The following CD300A variants were observed in gnomAD, a reference collection of about 807,000 sequenced individuals.
The protein encoded by CD300A is CD300a molecule.
CD300A carries 22 observed loss-of-function variants against 33.6 expected under a neutral mutation model. The ratio of observed to expected loss-of-function variants is 0.66; its 90% CI spans 0.47 to 0.94. The LOEUF (loss-of-function observed/expected upper bound fraction) is 0.94. Ranked by LOEUF, CD300A falls within the 40% of genes least tolerant of loss-of-function variation. The probability of loss-of-function intolerance (pLI) is 0.00; values close to 1 mark genes in which losing one functional copy is unlikely to be tolerated. For missense variants in CD300A, 326 were observed against 360.5 expected (o/e 0.90, Z 0.77); for synonymous variants, 136 against 148.1 (o/e 0.92, Z 0.59).
intron 1 of CD300A, among the ~76,000 whole-genome samples, chr17:74,468,857 C>T (rs1287261691): frequency 2.6e-5 from 4 of 152,184 alleles, no homozygotes; most frequent in African/African-American, 9.7e-5. Context: ...GGGGTTTCAC[C>T]ATGTTGCCCA....
In CD300A at chr17:74,481,503, G is replaced by A. The variant is rs934688925; in HGVS notation, c.666+177G>A. 1.0e-5 allele frequency: 7 copies of A among 671,414 alleles called. No individual in the cohort carries two copies. In the African/African-American group the frequency reaches 1.3e-4, roughly 12 times the overall value. 41.6% of individuals were successfully genotyped at this position (671,414 alleles called of 1,614,324 possible). A position where few individuals can be genotyped will look rare whatever the true frequency, so the allele number is the denominator to read the frequency against. On this transcript the variant is annotated intron_variant, in intron 5 of 6. Transcript: ENST00000360141. ...TAGGTCTTGTTCTGAGTCCTGGCCA[G>A]CCTGTCCCCTCCCCACCAAGGCAAA...
intron 1 of CD300A, among the ~76,000 whole-genome samples, chr17:74,467,802 G>A (rs1405158408): frequency 6.6e-6 from 1 of 152,102 alleles, no homozygotes. Flanking sequence ...TCATAGGGTC[G>A]GTGTGCATGG....
At chr17:74,481,886 C>G (rs79524136) in intron 6 of CD300A, 53 bp downstream of exon 6, 52,588 of 1,386,916 alleles carry the variant, frequency 0.038, 1,369 homozygotes, top group South Asian at 0.089. Flanking sequence ...TGTGCCAGGG[C>G]ACCCCTGGGA....
rs1483530066 is a variant in CD300A at position 74,477,496 on chromosome 17, G to C, written c.594G>C (p.Leu198=). The C allele has an allele frequency of 1.2e-6, 2 of 1,613,324 alleles. No individual in the cohort carries two copies. Among genetic ancestry groups the C allele is most frequent in the Non-Finnish European group, 1.7e-6 (2 of 1,179,848 alleles). The change falls in exon 4 of 7, where the codon CTG becomes CTC. Residue 198 remains leucine, a synonymous_variant. Transcript: ENST00000360141. The part of the protein sequence containing the change: ...LLLLLLVGAS[L]LAWRMFQKWI... Reference sequence around the variant, plus strand: ...TGCTTCTGTTGGTGGGGGCCTCCCTGCTAGCCTGGAGGATGTTTCAGAAAT... The same window carrying C: ...TGCTTCTGTTGGTGGGGGCCTCCCTCCTAGCCTGGAGGATGTTTCAGAAAT...
chr17:74,470,280 C>T lies in CD300A; in HGVS notation c.41-3256C>T, dbSNP rs377765823. The T allele has an allele frequency of 1.4e-4, 134 of 940,652 alleles. No individual in the cohort carries two copies. The East Asian group carries it at 8.1e-3, about 57-fold the overall frequency. The allele number at this position is 940,652 out of a possible 1,614,324, so 58.3% of individuals were successfully genotyped here. ...GTAAATGGAGGGTTTTCTGACACTT[C>T]GCAATCTCTAAATTATAATGACACC... On this transcript the variant is annotated intron_variant, in intron 1 of 6. Coordinates refer to ENST00000360141, the MANE Select transcript of CD300A (RefSeq NM_007261.4).
intron 6 of CD300A, among the ~76,000 whole-genome samples, chr17:74,482,801 C>G (rs933468616): frequency 6.7e-6 from 1 of 149,930 alleles, no homozygotes; most frequent in African/African-American, 2.5e-5. Flanking sequence ...ATCTCTGCCT[C>G]CCAGGTTCAA....
intron 1 of CD300A, among the ~76,000 whole-genome samples, chr17:74,469,320 C>T (rs567007205): frequency 1.2e-3 from 183 of 151,008 alleles, no homozygotes; most frequent in Non-Finnish European, 2.3e-3. Context: ...CCCAGGAGTC[C>T]GAGACTGGCC....
chr17:74,469,922 C>G (rs1204429311), intron 1 of CD300A: 2 of 982,408 alleles, frequency 2.0e-6, no homozygotes, highest in African/African-American at 3.5e-5. Flanking sequence ...TTTCTTAATT[C>G]ACTGATTTCT....
upstream of CD300A, chr17:74,466,382 C>A (rs576614170): frequency 1.5e-4 from 47 of 314,054 alleles, no homozygotes; most frequent in Non-Finnish European, 2.3e-4. Flanking sequence ...AGGAGGAGAC[C>A]CGGGGAAGTG....
intron 6 of CD300A, among the ~76,000 whole-genome samples, chr17:74,483,400 C>T (rs1907047352): frequency 6.6e-6 from 1 of 150,954 alleles, no homozygotes; most frequent in Admixed American, 6.6e-5. Context: ...ACTCTGTCGC[C>T]AGGCTGGAGA....
intron 1 of CD300A, among the ~76,000 whole-genome samples, chr17:74,467,878 C>T (rs1050015356): frequency 8.5e-5 from 13 of 152,054 alleles, no homozygotes; most frequent in Admixed American, 5.9e-4. Context: ...CTGGTACAGC[C>T]GGAGTGAGGC....
intron 6 of CD300A, among the ~76,000 whole-genome samples, chr17:74,482,698 CT>C (rs879275804): frequency 0.31 from 34,962 of 113,140 alleles, 5,903 homozygotes; most frequent in East Asian, 0.43. Context: ...TCCTTCCTTC[CT>C]TTCTTTCTTT....
intron 3 of CD300A, among the ~76,000 whole-genome samples, 187 bp downstream of exon 3, chr17:74,474,872 T>C (rs1371060295): frequency 8.2e-6 from 1 of 121,696 alleles, no homozygotes; most frequent in Non-Finnish European, 1.7e-5. Context: ...GGGGCTCAGG[T>C]AGGGGGGAAG....
intron 1 of CD300A, among the ~76,000 whole-genome samples, chr17:74,470,895 T>TAGG (rs1453384027): frequency 1.3e-5 from 2 of 151,812 alleles, no homozygotes; most frequent in East Asian, 3.9e-4. Context: ...CAAGCAATCC[T>TAGG]CCCACTTTGG....
chr17:74,481,347 G>A, intron 5 of CD300A, 21 bp downstream of exon 5: 1 of 1,612,140 alleles, frequency 6.2e-7, no homozygotes, highest in South Asian at 1.1e-5. Flanking sequence ...TTTAGCAGGA[G>A]GTGTATCAGG....
intron 1 of CD300A, among the ~76,000 whole-genome samples, chr17:74,469,274 G>T (rs1295929431): frequency 6.6e-6 from 1 of 151,504 alleles, no homozygotes; most frequent in East Asian, 1.9e-4. Flanking sequence ...TGTAATCCCA[G>T]AATTTTAGGA....
intron 4 of CD300A, among the ~76,000 whole-genome samples, chr17:74,479,993 G>A (rs1027253585): frequency 3.9e-5 from 6 of 152,108 alleles, no homozygotes; most frequent in Non-Finnish European, 7.4e-5. Context: ...TTCCCCTACC[G>A]CTGGCTCCCC....
At position 74,466,751 on chromosome 17, in the gene CD300A, T is replaced by A; in HGVS notation, c.40+8T>A. On this transcript the variant is annotated splice_region_variant and intron_variant, in intron 1 of 6. Transcript: ENST00000360141. ...TGCTTCTCTGGGTCCCAGGTGAGAG[T>A]TTCCCTTCCCGGGAAAGTCTGCGGC... The A allele has an allele frequency of 1.9e-6, 3 of 1,585,478 alleles. No homozygotes were observed. Among genetic ancestry groups the A allele is most frequent in the Non-Finnish European group, 2.6e-6 (3 of 1,165,484 alleles).
intron 1 of CD300A, chr17:74,469,864 C>CA (rs894707287): frequency 1.1e-4 from 78 of 679,056 alleles, no homozygotes; most frequent in Admixed American, 8.2e-4. Flanking sequence ...TTACCCCTTA[C>CA]AAAAAAATCC....
Sources: gnomAD v4.1 joint callset for allele counts (sites outside exome capture counted in the v4.1 genomes callset) on GRCh38, gnomAD v4.1.1 for gene constraint, MANE v1.5 for transcripts, NCBI Gene and HGNC (gene_info 2026-07-23, HGNC 2026-07-21) for gene names.